Variants in MBD5 observed in about 807,000 individuals in gnomAD.
MBD5 encodes the protein methyl-CpG binding domain protein 5, also known as methyl-CpG-binding domain protein 5.
A neutral mutation model predicts 117.3 loss-of-function variants in MBD5; 13 were observed. That is an observed-to-expected ratio of 0.11 (90% CI 0.07 to 0.18). The LOEUF (loss-of-function observed/expected upper bound fraction) is 0.18. MBD5 is among the 10% of genes least tolerant of loss of function. The probability of loss-of-function intolerance (pLI) is 1.00; values close to 1 mark genes in which losing one functional copy is unlikely to be tolerated. For missense variants in MBD5, 1,879 were observed against 2,093.8 expected, an observed-to-expected ratio of 0.90 and a Z score of 2.00; for synonymous variants, 727 against 766.4, an observed-to-expected ratio of 0.95 and a Z score of 0.85.
intron 1 of MBD5, among the ~76,000 whole-genome samples, chr2:148,120,913 C>T (rs1291323305): frequency 6.6e-6 from 1 of 152,064 alleles, no homozygotes; most frequent in Non-Finnish European, 1.5e-5. Flanking sequence ...TTCATAGACG[C>T]CCTTGATCAG....
intron 3 of MBD5, among the ~76,000 whole-genome samples, chr2:148,306,431 T>A (rs1701894913): frequency 6.6e-6 from 1 of 152,192 alleles, no homozygotes; most frequent in Non-Finnish European, 1.5e-5. Flanking sequence ...TCCAGCTCTG[T>A]CCTGCTATAA....
At chr2:148,322,832 A>G (rs1702319067) in intron 3 of MBD5, among the ~76,000 whole-genome samples, 1 of 151,944 alleles carries the variant, frequency 6.6e-6, no homozygotes, top group East Asian at 1.9e-4. Flanking sequence ...AAAGTTATAT[A>G]TATCTTTATT....
intron 2 of MBD5, among the ~76,000 whole-genome samples, chr2:148,197,137 A>G (rs1699008927): frequency 6.6e-6 from 1 of 152,148 alleles, no homozygotes; most frequent in African/African-American, 2.4e-5. Flanking sequence ...GGTAGCTTCA[A>G]AGGCTTAGGC....
At chr2:148,424,497 T>C (rs565968226) in intron 4 of MBD5, among the ~76,000 whole-genome samples, 1 of 151,746 alleles carries the variant, frequency 6.6e-6, no homozygotes, top group South Asian at 2.1e-4. Context: ...TTAACAAGGA[T>C]ATTCAGGACT....
At chr2:148,307,105 A>G (rs1271798619) in intron 3 of MBD5, among the ~76,000 whole-genome samples, 1 of 152,200 alleles carries the variant, frequency 6.6e-6, no homozygotes, top group African/African-American at 2.4e-5. Context: ...ATCACAGGTC[A>G]CTGTGAAACA....
At chr2:148,158,644 A>G (rs1044325367) in intron 1 of MBD5, among the ~76,000 whole-genome samples, 3 of 152,248 alleles carry the variant, frequency 2.0e-5, no homozygotes, top group African/African-American at 4.8e-5. Flanking sequence ...AAGATATTGA[A>G]TATTTACCAT....
At chr2:148,068,194 T>C (rs1695256907) in intron 1 of MBD5, among the ~76,000 whole-genome samples, 1 of 152,088 alleles carries the variant, frequency 6.6e-6, no homozygotes, top group South Asian at 2.1e-4. Context: ...TAAGCTGCGA[T>C]CTAAGAGGCC....
intron 1 of MBD5, among the ~76,000 whole-genome samples, chr2:148,101,998 T>G (rs1259362949): frequency 6.6e-6 from 1 of 152,172 alleles, no homozygotes; most frequent in Non-Finnish European, 1.5e-5. Flanking sequence ...CTTTTCTTGT[T>G]TCTATCTTAA....
intron 3 of MBD5, among the ~76,000 whole-genome samples, chr2:148,256,741 T>TG (rs1238418577): frequency 6.6e-6 from 1 of 152,252 alleles, no homozygotes; most frequent in Non-Finnish European, 1.5e-5. Context: ...CTATCGAGAA[T>TG]GGGGGGACAC....
At chr2:148,417,876 G>A (rs1050414773) in intron 4 of MBD5, among the ~76,000 whole-genome samples, 1 of 151,760 alleles carries the variant, frequency 6.6e-6, no homozygotes, top group African/African-American at 2.4e-5. Flanking sequence ...GCCTCACACT[G>A]TTACCCATTC....
At chr2:148,215,702 TTTTTTTG>T (rs1699536382) in intron 2 of MBD5, among the ~76,000 whole-genome samples, 2 of 144,720 alleles carry the variant, frequency 1.4e-5, no homozygotes, top group Admixed American at 6.9e-5. Flanking sequence ...TTTTTTTTTT[TTTTTTTG>T]GTAGAAACAA....
At chr2:148,025,011 C>G (rs2105543368) in intron 1 of MBD5, 1 of 152,250 alleles carries the variant, frequency 6.6e-6, no homozygotes, top group Middle Eastern at 3.4e-3. Flanking sequence ...AGATTTACTC[C>G]TAGTCATCAG....
chr2:148,079,857 A>AAAC (rs201427792), intron 1 of MBD5, among the ~76,000 whole-genome samples: 2,940 of 123,522 alleles, frequency 0.024, 40 homozygotes, highest in Middle Eastern at 0.049. Flanking sequence ...ACTCTGTCTA[A>AAAC]AACAACAACA....
At chr2:148,365,569 A>G (rs1703672676) in intron 4 of MBD5, among the ~76,000 whole-genome samples, 1 of 152,200 alleles carries the variant, frequency 6.6e-6, no homozygotes, top group Non-Finnish European at 1.5e-5. Context: ...AACAAAATAC[A>G]TAGACCACTA....
intron 1 of MBD5, among the ~76,000 whole-genome samples, chr2:148,145,200 C>G (rs1697422741): frequency 2.0e-5 from 3 of 152,130 alleles, no homozygotes; most frequent in Admixed American, 2.0e-4. Context: ...GTTTTGTTCT[C>G]TTTGAAGCAA....
intron 1 of MBD5, among the ~76,000 whole-genome samples, chr2:148,063,298 T>G (rs1695090717): frequency 6.6e-6 from 1 of 152,162 alleles, no homozygotes; most frequent in African/African-American, 2.4e-5. Context: ...TTAGTATAAT[T>G]TGCTTTTGAA....
At chr2:148,244,432 A>C (rs1428257231) in intron 3 of MBD5, 1 of 152,130 alleles carries the variant, frequency 6.6e-6, no homozygotes, top group Non-Finnish European at 1.5e-5. Context: ...TAAGAAGCAG[A>C]ATTTTTGTTT....
intron 4 of MBD5, among the ~76,000 whole-genome samples, chr2:148,427,606 A>G (rs1181707843): frequency 6.6e-6 from 1 of 151,800 alleles, no homozygotes; most frequent in Non-Finnish European, 1.5e-5. Context: ...ACATGGACAC[A>G]GGAAGGGGAA....
chr2:148,122,106 C>T (rs972741257), intron 1 of MBD5, among the ~76,000 whole-genome samples: 1 of 152,020 alleles, frequency 6.6e-6, no homozygotes, highest in Non-Finnish European at 1.5e-5. Context: ...TTTAACTGAC[C>T]TCCGCATTTT....
Sources: allele counts gnomAD v4.1 joint callset (sites outside exome capture counted in the v4.1 genomes callset), GRCh38; gene constraint gnomAD v4.1.1; transcripts MANE v1.5; gene names NCBI Gene and HGNC (gene_info 2026-07-23, HGNC 2026-07-21).